Variants in RALB observed in about 807,000 individuals in gnomAD.
The protein encoded by RALB is RAS like proto-oncogene B, also known as ras-related protein Ral-B.
In RALB, 16 loss-of-function variants were observed where a neutral mutation model predicts 21.3. The ratio of observed to expected loss-of-function variants is 0.75; its 90% CI spans 0.51 to 1.14. RALB has a LOEUF of 1.14. RALB is among the 50% of genes most tolerant of loss of function. The probability of loss-of-function intolerance (pLI) is 0.00; values close to 1 mark genes in which losing one functional copy is unlikely to be tolerated. For synonymous variants in RALB, 93 were observed against 96.1 expected (o/e 0.97, Z 0.19); for missense variants, 161 against 256.2 (o/e 0.63, Z 2.54).
chr2:120,282,096 A>G (rs529085109), intron 2 of RALB, among the ~76,000 whole-genome samples: 69 of 152,314 alleles, frequency 4.5e-4, no homozygotes, highest in African/African-American at 1.6e-3. Flanking sequence ...CATTAGAGGC[A>G]GAGCCGTGGC....
intron 1 of RALB, among the ~76,000 whole-genome samples, chr2:120,277,373 G>A (rs1434995869): frequency 2.7e-5 from 4 of 146,454 alleles, no homozygotes; most frequent in Non-Finnish European, 6.1e-5. Context: ...GCATGTGTGT[G>A]GTGGCGTGAA....
intron 1 of RALB, among the ~76,000 whole-genome samples, chr2:120,274,283 T>C (rs13385174): frequency 0.019 from 2,968 of 152,206 alleles, 86 homozygotes; most frequent in African/African-American, 0.066. Flanking sequence ...CCATTTATTC[T>C]ATTTTAGCCA....
At chr2:120,268,412 T>A (rs1689558983) in intron 1 of RALB, among the ~76,000 whole-genome samples, 1 of 152,236 alleles carries the variant, frequency 6.6e-6, no homozygotes, top group Non-Finnish European at 1.5e-5. Flanking sequence ...CGTTTGTTTT[T>A]AGTGGAAATT....
chr2:120,289,632 G>T lies in RALB; in HGVS notation c.376G>T (p.Val126Leu), dbSNP rs762186246. The T allele has an allele frequency of 1.2e-6, 2 of 1,614,144 alleles. No individual in the cohort carries two copies. Among genetic ancestry groups the T allele is most frequent in the Non-Finnish European group, 8.5e-7 (1 of 1,180,000 alleles). The stretch of plus-strand genomic sequence containing the variant: ...AGAAGATAAAATTCCACTGCTCGTC[G>T]TGGGAAACAAGTCTGACCTAGAGGA... ...AEEDKIPLLV[V>L]GNKSDLEERR... Residue 126 changes from valine to leucine, a missense_variant, in exon 4 of 5, where the codon GTG becomes TTG. Val to Leu is a conservative substitution (Grantham distance 32, BLOSUM62 1). Transcript: ENST00000272519.
At chr2:120,287,112 T>C in intron 3 of RALB, among the ~76,000 whole-genome samples, 1 of 152,230 alleles carries the variant, frequency 6.6e-6, no homozygotes, top group East Asian at 1.9e-4. Context: ...CAAATCAGTT[T>C]TTTTCATTCT....
At chr2:120,251,266 C>A (rs553315302), upstream of RALB, among the ~76,000 whole-genome samples, 1 of 152,240 alleles carries the variant, frequency 6.6e-6, no homozygotes, top group South Asian at 2.1e-4. Context: ...AGGCTGCACG[C>A]GGTCACACTT....
chr2:120,277,982 C>CATGTGTGA (rs1689879764), intron 1 of RALB, among the ~76,000 whole-genome samples: 1 of 137,484 alleles, frequency 7.3e-6, no homozygotes, highest in Admixed American at 7.3e-5. Context: ...TGAATAAGAG[C>CATGTGTGA]ATGTGTGAAT....
chr2:120,290,986 T>C (rs1042579483), intron 4 of RALB, among the ~76,000 whole-genome samples: 2 of 152,242 alleles, frequency 1.3e-5, no homozygotes, highest in African/African-American at 2.4e-5. Context: ...GAATCCCCTA[T>C]ATCCTGTCTT....
chr2:120,259,153 T>G (rs1689278419), intron 1 of RALB, among the ~76,000 whole-genome samples: 3 of 152,190 alleles, frequency 2.0e-5, no homozygotes, highest in African/African-American at 7.2e-5. Context: ...GAGTGAGCAG[T>G]AGCAAGATTT....
At position 120,293,356 on chromosome 2, in the gene RALB, C is replaced by A; in HGVS notation, c.*96C>A. 1 of 1,274,592 alleles carries A rather than the reference C, an allele frequency of 7.8e-7. No homozygotes were observed. The allele number at this position is 1,274,592 out of a possible 1,614,324, so 79.0% of individuals were successfully genotyped here. A position where few individuals can be genotyped will look rare whatever the true frequency, so the allele number is the denominator to read the frequency against. On this transcript the variant is annotated 3_prime_UTR_variant, in exon 5 of 5. Coordinates refer to ENST00000272519, the MANE Select transcript of RALB (RefSeq NM_002881.3). ...GTTGACTTCTTGCTTGTGCTTCCCACTCTCCCCGACTTCATTCACTCAAAC... is the reference window on the plus strand; with the variant it reads ...GTTGACTTCTTGCTTGTGCTTCCCAATCTCCCCGACTTCATTCACTCAAAC...
At chr2:120,252,698 C>T (rs1274990410), upstream of RALB, 5 of 873,988 alleles carry the variant, frequency 5.7e-6, no homozygotes, top group African/African-American at 1.8e-5. Context: ...GAAACCTCCT[C>T]CCCGGCCGCC....
At chr2:120,258,841 G>T (rs1209474678) in intron 1 of RALB, among the ~76,000 whole-genome samples, 1 of 152,156 alleles carries the variant, frequency 6.6e-6, no homozygotes, top group East Asian at 1.9e-4. Flanking sequence ...TGGGCTCACT[G>T]ACTTCAAGAA....
intron 1 of RALB, among the ~76,000 whole-genome samples, chr2:120,263,618 G>A (rs1420880390): frequency 6.6e-6 from 1 of 152,074 alleles, no homozygotes; most frequent in Non-Finnish European, 1.5e-5. Flanking sequence ...GGAGTGCAGT[G>A]GCGTGATCTT....
At chr2:120,258,909 CTG>C (rs1156743737) in intron 1 of RALB, among the ~76,000 whole-genome samples, 1 of 151,732 alleles carries the variant, frequency 6.6e-6, no homozygotes, top group Non-Finnish European at 1.5e-5. Context: ...CGTCTGGAGT[CTG>C]TCCCTTCTGA....
chr2:120,258,232 G>A (rs771151276), intron 1 of RALB, among the ~76,000 whole-genome samples: 17 of 152,178 alleles, frequency 1.1e-4, no homozygotes, highest in African/African-American at 2.9e-4. Context: ...GAATGATCCC[G>A]CCCTTCCTTA....
At chr2:120,247,237 C>T (rs981128214) in intron 1 of RALB, among the ~76,000 whole-genome samples, 3 of 152,204 alleles carry the variant, frequency 2.0e-5, no homozygotes, top group Non-Finnish European at 4.4e-5. Context: ...ACAAGACAGA[C>T]TTGACTTCAC....
upstream of RALB, among the ~76,000 whole-genome samples, chr2:120,249,332 C>T (rs750676849): frequency 9.2e-5 from 14 of 152,178 alleles, no homozygotes; most frequent in South Asian, 2.1e-4. Flanking sequence ...CGCGCCCGTC[C>T]GTGTTAGTCC....
At chr2:120,277,839 TTGAA>T (rs1014789547) in intron 1 of RALB, among the ~76,000 whole-genome samples, 17 of 137,246 alleles carry the variant, frequency 1.2e-4, no homozygotes, top group African/African-American at 1.6e-4. Context: ...ATATGTGTGT[TTGAA>T]TGTGAGAACA....
intron 1 of RALB, among the ~76,000 whole-genome samples, chr2:120,240,609 T>C (rs1688878066): frequency 6.6e-6 from 1 of 152,176 alleles, no homozygotes; most frequent in African/African-American, 2.4e-5. Flanking sequence ...GGAGCTGCTA[T>C]TTGAACCCAG....
Sources: allele counts gnomAD v4.1 joint callset (sites outside exome capture counted in the v4.1 genomes callset), GRCh38; gene constraint gnomAD v4.1.1; transcripts MANE v1.5; gene names NCBI Gene and HGNC (gene_info 2026-07-23, HGNC 2026-07-21).